Variants in PIGK observed in about 807,000 individuals in gnomAD.
PIGK encodes phosphatidylinositol glycan anchor biosynthesis class K.
Under a neutral mutation model 50.6 loss-of-function variants are expected in PIGK, and 42 were observed. The observed-to-expected ratio is 0.83, with a 90% confidence interval of 0.65 to 1.07. The LOEUF is 1.07. Among genes scored for constraint, PIGK ranks in the 50% least tolerant of loss-of-function variants. The pLI is 0.00. For synonymous variants in PIGK, 151 were observed against 156.0 expected, an observed-to-expected ratio of 0.97 and a Z score of 0.24; for missense variants, 448 against 488.7, an observed-to-expected ratio of 0.92 and a Z score of 0.78.
chr1:77,191,973 C>T (rs1655915612), intron 3 of PIGK, among the ~76,000 whole-genome samples: 1 of 152,178 alleles, frequency 6.6e-6, no homozygotes, highest in Non-Finnish European at 1.5e-5. Flanking sequence ...TATCTTCCTC[C>T]AAAGAAATCG....
chr1:77,117,908 GTCC>G (rs1654015247), intron 10 of PIGK, among the ~76,000 whole-genome samples: 3 of 152,062 alleles, frequency 2.0e-5, no homozygotes, highest in Non-Finnish European at 4.4e-5. Context: ...TTACCACAGT[GTCC>G]TCAATTTATG....
chr1:77,107,563 T>G (rs1322320370), intron 10 of PIGK, among the ~76,000 whole-genome samples: 1 of 152,046 alleles, frequency 6.6e-6, no homozygotes, highest in Non-Finnish European at 1.5e-5. Flanking sequence ...AATGTATATT[T>G]TGTTGATTTG....
At chr1:77,201,529 G>A (rs1268588213) in intron 3 of PIGK, among the ~76,000 whole-genome samples, 1 of 152,200 alleles carries the variant, frequency 6.6e-6, no homozygotes, top group African/African-American at 2.4e-5. Flanking sequence ...AGAGGCCAAG[G>A]TGGGTGGATC....
At chr1:77,156,964 A>G (rs1196101284) in intron 8 of PIGK, among the ~76,000 whole-genome samples, 1 of 152,206 alleles carries the variant, frequency 6.6e-6, no homozygotes, top group Non-Finnish European at 1.5e-5. Flanking sequence ...TAAAAGTATA[A>G]TAAAGGTACA....
chr1:77,146,728 C>T (rs530037847), intron 9 of PIGK, among the ~76,000 whole-genome samples: 8 of 151,734 alleles, frequency 5.3e-5, no homozygotes, highest in Non-Finnish European at 1.2e-4. Flanking sequence ...ACCCGGGAGG[C>T]GGAGGTTGCG....
chr1:77,182,501 G>GATCA (rs543468439), intron 3 of PIGK, among the ~76,000 whole-genome samples: 99 of 90,774 alleles, frequency 1.1e-3, no homozygotes, highest in African/African-American at 2.6e-3. Context: ...ACACACCCAG[G>GATCA]ATCAATCTAT....
intron 9 of PIGK, among the ~76,000 whole-genome samples, chr1:77,135,476 C>T (rs188935333): frequency 1.3e-5 from 2 of 151,930 alleles, no homozygotes; most frequent in African/African-American, 4.8e-5. Context: ...GCAGTAGTTG[C>T]CTGTAATCCT....
chr1:77,210,165 C>G (rs1246380549), intron 2 of PIGK, among the ~76,000 whole-genome samples: 1 of 151,774 alleles, frequency 6.6e-6, no homozygotes, highest in Non-Finnish European at 1.5e-5. Flanking sequence ...ATATTTCTAC[C>G]TCTTATAAAA....
intron 9 of PIGK, among the ~76,000 whole-genome samples, chr1:77,152,150 C>G (rs2100549863): frequency 6.6e-6 from 1 of 152,164 alleles, no homozygotes; most frequent in African/African-American, 2.4e-5. Flanking sequence ...GGGATAAAAA[C>G]AGACACACAG....
chr1:77,183,612 T>A (rs1418617936), intron 3 of PIGK, among the ~76,000 whole-genome samples: 1 of 152,144 alleles, frequency 6.6e-6, no homozygotes, highest in Non-Finnish European at 1.5e-5. Flanking sequence ...GGAATGGATA[T>A]TAAGGGTGTG....
At chr1:77,206,500 T>G in intron 3 of PIGK, 140 bp downstream of exon 3, 1 of 568,922 alleles carries the variant, frequency 1.8e-6, no homozygotes, top group Admixed American at 3.0e-5. Flanking sequence ...GGTAGTATGC[T>G]CTAATGAGAA....
At chr1:77,214,398 A>G (rs555631525) in intron 1 of PIGK, among the ~76,000 whole-genome samples, 43 of 152,184 alleles carry the variant, frequency 2.8e-4, no homozygotes, top group Non-Finnish European at 5.3e-4. Flanking sequence ...ATGAAGGACA[A>G]AAAACATATG....
chr1:77,205,010 GC>G (rs1346895814), intron 3 of PIGK, among the ~76,000 whole-genome samples: 1 of 152,066 alleles, frequency 6.6e-6, no homozygotes, highest in Non-Finnish European at 1.5e-5. Flanking sequence ...ACAGAAATAA[GC>G]TTTTAAATAA....
intron 10 of PIGK, among the ~76,000 whole-genome samples, chr1:77,109,983 C>A (rs1259074701): frequency 6.6e-6 from 1 of 152,058 alleles, no homozygotes; most frequent in Non-Finnish European, 1.5e-5. Context: ...AACAGAGAGC[C>A]AAATCATGAG....
chr1:77,109,848 A>C (rs1476453411), intron 10 of PIGK, among the ~76,000 whole-genome samples: 2 of 152,208 alleles, frequency 1.3e-5, no homozygotes, highest in African/African-American at 2.4e-5. Context: ...ACATGATTGT[A>C]TATCTAGAAA....
rs1653275146 is a variant in PIGK at position 77,090,640 on chromosome 1, C to A, written c.*1734G>T. 3.3e-5 allele frequency: 5 copies of A among 152,204 alleles called. No individual in the cohort carries two copies. Among genetic ancestry groups the A allele is most frequent in the Admixed American group, 3.3e-4 (5 of 15,278 alleles). 9.4% of individuals were successfully genotyped at this position (152,204 alleles called of 1,614,324 possible). On this transcript the variant is annotated 3_prime_UTR_variant, in exon 11 of 11. Transcript: ENST00000370812. ...AAGAACAATCATAATTCCTTTACCA[C>A]CCTAAATAGCTCCGCCTCACCGTGG...
chr1:77,107,087 C>T (rs1653701159), intron 10 of PIGK, among the ~76,000 whole-genome samples: 1 of 152,132 alleles, frequency 6.6e-6, no homozygotes, highest in African/African-American at 2.4e-5. Flanking sequence ...TCTCTATCTC[C>T]TTCAGTTCTG....
intron 9 of PIGK, among the ~76,000 whole-genome samples, chr1:77,148,265 C>T (rs2689681): frequency 0.011 from 1,659 of 152,188 alleles, 26 homozygotes; most frequent in African/African-American, 0.038. Flanking sequence ...TTTATAGCAT[C>T]TATGTAAAAA....
chr1:77,169,492 T>G (rs914707811), intron 3 of PIGK, 97 bp from the exon 4 acceptor site: 16 of 902,168 alleles, frequency 1.8e-5, no homozygotes, highest in Middle Eastern at 2.9e-4. Context: ...TTCATTTTTC[T>G]CCTCCTTAAA....
Sources: allele counts gnomAD v4.1 joint callset (sites outside exome capture counted in the v4.1 genomes callset), GRCh38; gene constraint gnomAD v4.1.1; transcripts MANE v1.5; gene names NCBI Gene and HGNC (gene_info 2026-07-23, HGNC 2026-07-21).